Variants in GRIK2 observed in about 807,000 individuals in gnomAD.
GRIK2 encodes the protein glutamate ionotropic receptor kainate type subunit 2.
GRIK2 carries 32 observed loss-of-function variants against 100.3 expected under a neutral mutation model. The ratio of observed to expected loss-of-function variants is 0.32; its 90% CI spans 0.24 to 0.43. The LOEUF (loss-of-function observed/expected upper bound fraction) is 0.43, where lower values mean the gene tolerates loss of function less well. GRIK2 is among the 20% of genes least tolerant of loss of function. GRIK2 has a pLI of 1.00. For synonymous variants in GRIK2, 417 were observed against 389.4 expected, an observed-to-expected ratio of 1.07 and a Z score of -0.83; for missense variants, 843 against 1,114.9, an observed-to-expected ratio of 0.76 and a Z score of 3.47.
chr6:101,561,680 A>T (rs1777023214), intron 2 of GRIK2, among the ~76,000 whole-genome samples: 1 of 152,118 alleles, frequency 6.6e-6, no homozygotes, highest in African/African-American at 2.4e-5. Context: ...TGGAGGAAAA[A>T]TCTGCTGAAC....
chr6:101,714,122 A>C (rs975435202), intron 7 of GRIK2, among the ~76,000 whole-genome samples: 1 of 151,748 alleles, frequency 6.6e-6, no homozygotes, highest in Non-Finnish European at 1.5e-5. Flanking sequence ...TGCAGGGGTC[A>C]TACAGAATAG....
chr6:101,903,055 G>A (rs1426127070), intron 12 of GRIK2, among the ~76,000 whole-genome samples: 11 of 151,780 alleles, frequency 7.2e-5, no homozygotes, highest in African/African-American at 2.2e-4. Context: ...CCATTGAAAG[G>A]CCAGGCATTT....
At chr6:101,512,657 C>G (rs1774378367) in intron 2 of GRIK2, among the ~76,000 whole-genome samples, 2 of 151,746 alleles carry the variant, frequency 1.3e-5, no homozygotes, top group South Asian at 4.2e-4. Context: ...ACGACATTCT[C>G]TTCATAGTAT....
At chr6:101,530,189 C>T (rs569762898) in intron 2 of GRIK2, among the ~76,000 whole-genome samples, 4 of 151,996 alleles carry the variant, frequency 2.6e-5, no homozygotes, top group South Asian at 2.1e-4. Context: ...TTAAAGAGAG[C>T]AAGATAAGCA....
At chr6:101,498,526 C>T (rs889855770) in intron 2 of GRIK2, among the ~76,000 whole-genome samples, 2 of 149,914 alleles carry the variant, frequency 1.3e-5, no homozygotes, top group Non-Finnish European at 3.0e-5. Context: ...CTCTCCAGCA[C>T]CTGTTGTTTC....
At chr6:101,432,250 T>C (rs984906444) in intron 2 of GRIK2, among the ~76,000 whole-genome samples, 3 of 152,074 alleles carry the variant, frequency 2.0e-5, no homozygotes, top group South Asian at 2.1e-4. Flanking sequence ...CTAGGAAGAG[T>C]TGCTTCCTGA....
At chr6:101,975,813 A>ATCTG (rs1554185799) in intron 14 of GRIK2, among the ~76,000 whole-genome samples, 7 of 109,786 alleles carry the variant, frequency 6.4e-5, no homozygotes, top group African/African-American at 2.0e-4. Context: ...CTATCTGTCT[A>ATCTG]TCTATCTATC....
intron 7 of GRIK2, among the ~76,000 whole-genome samples, chr6:101,736,230 G>T (rs1775622251): frequency 6.6e-6 from 1 of 152,206 alleles, no homozygotes; most frequent in South Asian, 2.1e-4. Context: ...TAAGTGCACA[G>T]TACAAACTGT....
At chr6:101,829,735 AC>A in intron 10 of GRIK2, among the ~76,000 whole-genome samples, 1 of 152,048 alleles carries the variant, frequency 6.6e-6, no homozygotes. Context: ...AACAACAACA[AC>A]AGCAACAACA....
chr6:101,885,695 T>C (rs1373635784), intron 11 of GRIK2, among the ~76,000 whole-genome samples: 1 of 152,150 alleles, frequency 6.6e-6, no homozygotes, highest in East Asian at 1.9e-4. Flanking sequence ...TTTAACACAA[T>C]ATATCTACTA....
Position 101,830,208 on chromosome 6 carries a change from A to G in GRIK2, c.1317+11725A>G, listed in dbSNP as rs536027005. ...TCTTATTCAATGAATGGTTCTGGGAAACTGGCTAACCATATGCACAAGAAT... is the reference window on the plus strand; with the variant it reads ...TCTTATTCAATGAATGGTTCTGGGAGACTGGCTAACCATATGCACAAGAAT... On this transcript the variant is annotated intron_variant, in intron 10 of 16. Transcript: ENST00000369134. Among the ~76,000 whole-genome samples the G allele has an allele frequency of 3.9e-5, 6 of 152,184 alleles. No individual in the cohort carries two copies. In the East Asian group the frequency reaches 1.2e-3, roughly 29 times the overall value.
intron 11 of GRIK2, among the ~76,000 whole-genome samples, chr6:101,877,626 T>C (rs1785949347): frequency 6.6e-6 from 1 of 151,916 alleles, no homozygotes; most frequent in Non-Finnish European, 1.5e-5. Flanking sequence ...TTTAAAAGAA[T>C]AAAAACATCT....
chr6:101,515,096 G>C (rs1232113731), intron 2 of GRIK2, among the ~76,000 whole-genome samples: 1 of 151,964 alleles, frequency 6.6e-6, no homozygotes, highest in African/African-American at 2.4e-5. Flanking sequence ...TCATTGTTAT[G>C]CCTTTGCATC....
chr6:102,069,466 C>G lies in GRIK2; in HGVS notation c.*955C>G, dbSNP rs1236818582. 1 of 151,716 alleles carries G rather than the reference C, an allele frequency of 6.6e-6. No individual in the cohort carries two copies. The highest frequency in any genetic ancestry group is 2.4e-5 in the African/African-American group (1 of 41,362). 9.4% of individuals were successfully genotyped at this position (151,716 alleles called of 1,614,324 possible). A position where few individuals can be genotyped will look rare whatever the true frequency, so the allele number is the denominator to read the frequency against. ...CATTCTAACATTCAGACATAGCAAT[C>G]CAAACCCTTGTTCCTGCTGTAAATG... On this transcript the variant is annotated 3_prime_UTR_variant, in exon 17 of 17. Transcript: ENST00000369134.
chr6:101,470,644 G>T (rs1197538618), intron 2 of GRIK2, among the ~76,000 whole-genome samples: 1 of 152,084 alleles, frequency 6.6e-6, no homozygotes. Flanking sequence ...GTAGGGTGAT[G>T]GTTCAAGCCC....
chr6:102,063,245 T>C (rs1232302455), intron 16 of GRIK2, among the ~76,000 whole-genome samples: 3 of 150,704 alleles, frequency 2.0e-5, no homozygotes, highest in African/African-American at 7.3e-5. Context: ...TTAGGAATTA[T>C]TCTGAATGAA....
intron 2 of GRIK2, among the ~76,000 whole-genome samples, chr6:101,463,089 C>T (rs945785616): frequency 1.3e-5 from 2 of 152,144 alleles, no homozygotes; most frequent in Admixed American, 6.5e-5. Flanking sequence ...GACAAATCAT[C>T]TATCAAAGTG....
Position 101,846,004 on chromosome 6 carries a change from A to ATTGTTTT in GRIK2, c.1318-13280_1318-13274dup, listed in dbSNP as rs538517121. On this transcript the variant is annotated intron_variant, in intron 10 of 16. Transcript: ENST00000369134. ...AGCTCTGTGCCCATTTTTAAACAGC[A>ATTGTTTT]TTGTTTTTTTTTTGTTGTTGTTGTT... Among the ~76,000 whole-genome samples, 1,423 of 146,768 alleles carry ATTGTTTT rather than the reference A, an allele frequency of 9.7e-3. 18 individuals carry two copies. Among genetic ancestry groups the ATTGTTTT allele is most frequent in the African/African-American group, 0.035 (1,351 of 38,240 alleles).
chr6:101,534,987 A>G (rs1775621236), intron 2 of GRIK2, among the ~76,000 whole-genome samples: 1 of 151,686 alleles, frequency 6.6e-6, no homozygotes, highest in South Asian at 2.1e-4. Flanking sequence ...GATTAGTTTG[A>G]CATTATTTTG....
Sources: gnomAD v4.1 joint callset for allele counts (sites outside exome capture counted in the v4.1 genomes callset) on GRCh38, gnomAD v4.1.1 for gene constraint, MANE v1.5 for transcripts, NCBI Gene and HGNC (gene_info 2026-07-23, HGNC 2026-07-21) for gene names.